Variants in ARFGAP2 observed in about 807,000 individuals in gnomAD.
The protein encoded by ARFGAP2 is ARF GTPase activating protein 2.
ARFGAP2 carries 45 observed loss-of-function variants against 71.9 expected under a neutral mutation model. That is an observed-to-expected ratio of 0.63 (90% CI 0.49 to 0.80). The LOEUF (loss-of-function observed/expected upper bound fraction) is 0.80, where lower values mean the gene tolerates loss of function less well. ARFGAP2 is among the 30% of genes least tolerant of loss of function. The probability of loss-of-function intolerance (pLI) is 0.00; values close to 1 mark genes in which losing one functional copy is unlikely to be tolerated. For synonymous variants in ARFGAP2, 248 were observed against 249.2 expected (o/e 1.00, Z 0.05); for missense variants, 633 against 673.9 (o/e 0.94, Z 0.67).
At chr11:47,173,071 C>A in intron 7 of ARFGAP2, 1 of 391,660 alleles carries the variant, frequency 2.6e-6, no homozygotes, top group Non-Finnish European at 4.8e-6. Context: ...CAGCTCAGAG[C>A]TGTCCCTCCA....
At chr11:47,170,346 AAAG>A (rs1288078599) in intron 10 of ARFGAP2, among the ~76,000 whole-genome samples, 2 of 148,920 alleles carry the variant, frequency 1.3e-5, no homozygotes, top group South Asian at 2.1e-4. Flanking sequence ...AAAAAAAAGA[AAAG>A]AAAAGAAAAA....
At chr11:47,172,623 C>G in intron 7 of ARFGAP2, 1 of 1,316,548 alleles carries the variant, frequency 7.6e-7, no homozygotes, top group Non-Finnish European at 1.0e-6. Context: ...GACTGCGAGG[C>G]AGGGAGCATA....
intron 3 of ARFGAP2, chr11:47,175,538 G>C: frequency 1.5e-6 from 1 of 682,248 alleles, no homozygotes; most frequent in African/African-American, 1.8e-5. Context: ...CCCACTGAAC[G>C]CTGCCTGAGC....
At position 47,174,996 on chromosome 11, in the gene ARFGAP2, G is replaced by T. The variant is rs1245452622; in HGVS notation, c.480+19C>A. ...CCTGTCAAGAACAACTGGGAAAACG[G>T]TTCCTTGTGGGCACTCACTTGAGTG... On this transcript the variant is annotated intron_variant, in intron 5 of 15. Transcript: ENST00000524782. 1.2e-6 allele frequency: 2 copies of T among 1,613,486 alleles called. No individual in the cohort carries two copies. Among genetic ancestry groups the T allele is most frequent in the Admixed American group, 3.3e-5 (2 of 59,962 alleles).
intron 10 of ARFGAP2, chr11:47,169,391 C>G (rs1031548996): frequency 2.6e-5 from 4 of 152,102 alleles, no homozygotes; most frequent in African/African-American, 9.7e-5. Context: ...TCTCGTTTCT[C>G]AAAGAAAAGG....
Position 47,176,502 on chromosome 11 carries a change from C to G in ARFGAP2, c.191+14G>C. 6.2e-7 allele frequency: 1 copy of G among 1,611,518 alleles called. No individual in the cohort carries two copies. The highest frequency in any genetic ancestry group is 8.5e-7 in the Non-Finnish European group (1 of 1,178,920). On this transcript the variant is annotated intron_variant, in intron 2 of 15. Transcript: ENST00000524782. ...CGGCCGGGTGGAAACACGGCAACCG[C>G]GCGGAGAGCCTACCTGATGAAGCTC...
chr11:47,166,023 C>G (rs534737325), intron 15 of ARFGAP2, among the ~76,000 whole-genome samples: 1 of 152,124 alleles, frequency 6.6e-6, no homozygotes, highest in Non-Finnish European at 1.5e-5. Context: ...CGCCATCATG[C>G]CCAGCTAATT....
At chr11:47,172,396 T>C (rs961032353) in intron 7 of ARFGAP2, 63 bp from the exon 8 acceptor site, 17 of 1,558,864 alleles carry the variant, frequency 1.1e-5, no homozygotes, top group Middle Eastern at 1.7e-4. Context: ...TAGCTCAGTA[T>C]ACACCATGCA....
Position 47,166,468 on chromosome 11 carries a change from G to A in ARFGAP2, c.1426+38C>T, listed in dbSNP as rs756377834. The A allele has an allele frequency of 3.3e-5, 54 of 1,612,240 alleles. No individual in the cohort carries two copies. The Middle Eastern group carries it at 4.9e-4, about 15-fold the overall frequency. ...GCAGGGCCCTCCCGCCCTGCTCCCA[G>A]GCCTCACTTGGTGCCTGCCACCCCA... On this transcript the variant is annotated intron_variant, in intron 14 of 15. Transcript: ENST00000524782.
chr11:47,171,309 T>A, intron 10 of ARFGAP2, 117 bp downstream of exon 10: 1 of 1,485,656 alleles, frequency 6.7e-7, no homozygotes, highest in Non-Finnish European at 9.1e-7. Context: ...ATAAGCCAAG[T>A]GATCTATTCA....
chr11:47,166,930 T>C, intron 12 of ARFGAP2, 44 bp from the exon 13 acceptor site: 1 of 1,595,638 alleles, frequency 6.3e-7, no homozygotes, highest in East Asian at 2.2e-5. Context: ...CCCATTATCA[T>C]CAGGGGAGGC....
chr11:47,173,353 T>C (rs2135433559), intron 7 of ARFGAP2, 73 bp downstream of exon 7: 2 of 1,511,004 alleles, frequency 1.3e-6, no homozygotes, highest in Non-Finnish European at 9.0e-7. Context: ...GGCCAGGCAG[T>C]AGGACCTCTG....
chr11:47,174,047 T>A (rs1952698902), intron 5 of ARFGAP2: 1 of 908,770 alleles, frequency 1.1e-6, no homozygotes, highest in Non-Finnish European at 1.6e-6. Context: ...CCTTCACTAT[T>A]TACTTAGAGC....
rs1381325505 is a variant in ARFGAP2, at chr11:47,173,766, G to A, written c.555C>T (p.Gly185=). Residue 185 remains glycine, a synonymous_variant, in exon 6 of 16, where the codon GGC becomes GGT. Transcript: ENST00000524782. ...AATCTGGGCTGAACTCACGTGCCAG[G>A]CCACTGCTCTCTGTAGACGGGGCTG... is the stretch of plus-strand genomic sequence containing the variant. ...QQPAPSTESS[G]LAQPEHGPNT... The A allele has an allele frequency of 2.7e-5, 43 of 1,601,416 alleles. No individual in the cohort carries two copies. The highest frequency in any genetic ancestry group is 3.3e-5 in the Non-Finnish European group (39 of 1,174,002).
rs375417911 is a variant in ARFGAP2 at position 47,172,337 on chromosome 11, C to T, written c.620-4G>A. The T allele has an allele frequency of 1.2e-5, 20 of 1,613,954 alleles. No homozygotes were observed. Among genetic ancestry groups the T allele is most frequent in the Middle Eastern group, 1.6e-4 (1 of 6,080 alleles). ...CCAATGATGGAGCTTTTCAGTTCTG[C>T]GTGAGAAACGGGTAGGCATGAGCTA... On this transcript the variant is annotated splice_polypyrimidine_tract_variant and splice_region_variant and intron_variant, in intron 7 of 15. Coordinates refer to ENST00000524782, the MANE Select transcript of ARFGAP2 (RefSeq NM_032389.6).
chr11:47,175,777 G>A (rs1019626522), intron 3 of ARFGAP2, 74 bp downstream of exon 3: 18 of 1,553,790 alleles, frequency 1.2e-5, no homozygotes, highest in Non-Finnish European at 1.4e-5. Flanking sequence ...AAACGACAGG[G>A]CCTCTTAGGG....
chr11:47,167,799 A>G, intron 12 of ARFGAP2, 110 bp downstream of exon 12: 2 of 1,329,870 alleles, frequency 1.5e-6, no homozygotes, highest in South Asian at 1.5e-5. Flanking sequence ...CACAGAGAAC[A>G]TTCCCATCAA....
intron 3 of ARFGAP2, 28 bp from the exon 4 acceptor site, chr11:47,175,341 T>C: frequency 1.2e-6 from 2 of 1,613,788 alleles, no homozygotes; most frequent in Middle Eastern, 1.6e-4. Flanking sequence ...GAGCAGCGCG[T>C]GCTACGGGTG....
chr11:47,175,084 G>A lies in ARFGAP2; in HGVS notation c.411C>T (p.Asn137=). The A allele has an allele frequency of 6.2e-7, 1 of 1,614,192 alleles. No individual in the cohort carries two copies. The highest frequency in any genetic ancestry group is 8.5e-7 in the Non-Finnish European group (1 of 1,180,028). ...AGTGATTAGGAACGGCACTACTCAT[G>A]TTGTCTATCCAAAGCTAGAAAGGAG... ...ARHGTDLWID[N]MSSAVPNHSP... is the part of the protein sequence containing the mutation. The change falls in exon 5 of 16, where the codon AAC becomes AAT. Residue 137 remains asparagine (N), a synonymous_variant. Transcript: ENST00000524782.
Sources: gnomAD v4.1 joint callset for allele counts (sites outside exome capture counted in the v4.1 genomes callset) on GRCh38, gnomAD v4.1.1 for gene constraint, MANE v1.5 for transcripts, NCBI Gene and HGNC (gene_info 2026-07-23, HGNC 2026-07-21) for gene names.